Variants in OR4P4 observed in about 807,000 individuals in gnomAD.
The protein encoded by OR4P4 is olfactory receptor family 4 subfamily P member 4.
OR4P4 carries 1 observed loss-of-function variant against 2.1 expected under a neutral mutation model. The ratio of observed to expected loss-of-function variants is 0.47; its 90% CI spans 0.17 to 2.21. The LOEUF (loss-of-function observed/expected upper bound fraction) is 2.21, where lower values mean the gene tolerates loss of function less well. OR4P4 is among the 30% of genes most tolerant of loss of function. OR4P4 has a pLI of 0.27. For missense variants in OR4P4, 375 were observed against 376.5 expected (o/e 1.00, Z 0.03); for synonymous variants, 129 against 133.2 (o/e 0.97, Z 0.22).
rs1322258652 is a variant in OR4P4 at position 55,638,196 on chromosome 11, A to T, written c.-30-132A>T. 2.1e-4 allele frequency: 95 copies of T among 449,250 alleles called. 12 individuals are homozygous for T. The highest frequency in any genetic ancestry group is 1.3e-3 in the African/African-American group (67 of 50,510). 27.8% of individuals were successfully genotyped at this position (449,250 alleles called of 1,614,324 possible). A position where few individuals can be genotyped will look rare whatever the true frequency, so the allele number is the denominator to read the frequency against. ...GAGAGTCTTATTAGAAAGCCATTTTAATTGAATACCAGATATTTACTCTCT... is the reference window on the plus strand; with the variant it reads ...GAGAGTCTTATTAGAAAGCCATTTTTATTGAATACCAGATATTTACTCTCT... On this transcript the variant is annotated intron_variant, in intron 1 of 1. Coordinates refer to ENST00000641760, the Ensembl canonical transcript of OR4P4.
chr11:55,640,273 A>G (rs1172490257), exon 2 of OR4P4: 1 of 136,232 alleles, frequency 7.3e-6, no homozygotes, highest in Non-Finnish European at 1.6e-5. Context: ...GTCATTTCTC[A>G]TGTTGGTAAG....
exon 2 of OR4P4, chr11:55,638,840 C>A (rs768719780): frequency 1.3e-6 from 2 of 1,492,266 alleles, no homozygotes; most frequent in Non-Finnish European, 1.8e-6. Context: ...TTCTTCTCAC[C>A]ATCTTTGTAC....
At chr11:55,637,139 G>GTTGT (rs1441054993) in intron 1 of OR4P4, among the ~76,000 whole-genome samples, 1 of 138,024 alleles carries the variant, frequency 7.2e-6, no homozygotes, top group Non-Finnish European at 1.6e-5. Context: ...TTCAAATTAC[G>GTTGT]TTGTTAGTAA....
intron 1 of OR4P4, among the ~76,000 whole-genome samples, chr11:55,637,100 T>C (rs1418755276): frequency 7.2e-6 from 1 of 138,300 alleles, no homozygotes; most frequent in African/African-American, 2.5e-5. Flanking sequence ...CAGCTGTAGC[T>C]GACAAAACCA....
At position 55,638,467 on chromosome 11, in the gene OR4P4, G is replaced by A. The variant is rs1159939517; in HGVS notation, c.110G>A (p.Trp37Ter). Residue 37 changes from tryptophan to a stop codon, truncating the protein, a stop_gained, in exon 2 of 2, where the codon TGG becomes TAG. Coordinates refer to ENST00000641760, the Ensembl canonical transcript of OR4P4. LOFTEE classifies it low-confidence loss of function (END_TRUNC). ...TTTTTGTTTTGCTACATTGCTATTTGGATGGGAAACTTACTCATAATGATT... is the reference window on the plus strand; with the variant it reads ...TTTTTGTTTTGCTACATTGCTATTTAGATGGGAAACTTACTCATAATGATT... The A allele has an allele frequency of 2.7e-6, 4 of 1,469,908 alleles. No homozygotes were observed. Among genetic ancestry groups the A allele is most frequent in the African/African-American group, 1.4e-5 (1 of 72,302 alleles). The allele number at this position is 1,469,908 out of a possible 1,614,324, so 91.1% of individuals were successfully genotyped here. A position where few individuals can be genotyped will look rare whatever the true frequency, so the allele number is the denominator to read the frequency against.
At chr11:55,636,596 C>T (rs1168991306) in intron 1 of OR4P4, among the ~76,000 whole-genome samples, 1 of 137,224 alleles carries the variant, frequency 7.3e-6, no homozygotes, top group Non-Finnish European at 1.6e-5. Context: ...GTTATAAATT[C>T]AGACTTTGGA....
In OR4P4 at chr11:55,637,404, C is replaced by T; in HGVS notation, c.-30-924C>T. Among the ~76,000 whole-genome samples, 2 of 137,540 alleles carry T rather than the reference C, an allele frequency of 1.5e-5. 1 individual carries two copies. The highest frequency in any genetic ancestry group is 3.2e-5 in the Non-Finnish European group (2 of 61,710). The allele number at this position is 137,540 out of a possible 152,430, so 90.2% of individuals were successfully genotyped here. ...TTCTTCTTCAAATAAAATGAAATTGCCTTTCTTATTTATTGGCAAAGATTA... is the reference window on the plus strand; with the variant it reads ...TTCTTCTTCAAATAAAATGAAATTGTCTTTCTTATTTATTGGCAAAGATTA... On this transcript the variant is annotated intron_variant, in intron 1 of 1. Coordinates refer to ENST00000641760, the Ensembl canonical transcript of OR4P4.
intron 1 of OR4P4, among the ~76,000 whole-genome samples, chr11:55,637,167 A>G (rs1858398749): frequency 7.2e-6 from 1 of 138,368 alleles, no homozygotes; most frequent in Non-Finnish European, 1.6e-5. Context: ...GTAAATGAAG[A>G]CAGATTGATG....
Position 55,637,794 on chromosome 11 carries a change from C to T in OR4P4, c.-30-534C>T, listed in dbSNP as rs74919227. On this transcript the variant is annotated intron_variant, in intron 1 of 1. Coordinates refer to ENST00000641760, the Ensembl canonical transcript of OR4P4. ...TCTTTGCAGCAACATTCAAGACTAA[C>T]AACTTAAGATATGTTTGTTCACCAC... Among the ~76,000 whole-genome samples the T allele has an allele frequency of 6.5e-3, 895 of 138,320 alleles. 175 individuals carry two copies. Among genetic ancestry groups the T allele is most frequent in the Non-Finnish European group, 8.8e-3 (545 of 62,068 alleles). 90.7% of individuals were successfully genotyped at this position (138,320 alleles called of 152,430 possible).
chr11:55,636,173 G>T (rs1431263991), intron 1 of OR4P4, among the ~76,000 whole-genome samples: 2 of 137,708 alleles, frequency 1.5e-5, no homozygotes, highest in Non-Finnish European at 3.2e-5. Flanking sequence ...CAGTGTTAGG[G>T]TATACACTCA....
exon 2 of OR4P4, chr11:55,639,315 G>T: frequency 7.9e-7 from 1 of 1,269,072 alleles, no homozygotes; most frequent in Non-Finnish European, 1.1e-6. Context: ...TGCTTTTCAT[G>T]CCGTGGTTCC....
rs1175323811 is a variant in OR4P4, at chr11:55,638,699, A to T, written c.342A>T (p.Thr114=). Residue 114 remains threonine (T), a synonymous_variant, in exon 2 of 2, where the codon ACA becomes ACT. Transcript: ENST00000641760. ...GAGGCATAGAGATCTTCATTCTCAC[A>T]GGGATGGCCTATGACCGCTATGTGG... The T allele has an allele frequency of 2.0e-6, 3 of 1,491,810 alleles. 1 individual carries two copies. The South Asian group carries it at 3.5e-5, about 18-fold the overall frequency. The allele number at this position is 1,491,810 out of a possible 1,614,324, so 92.4% of individuals were successfully genotyped here. A position where few individuals can be genotyped will look rare whatever the true frequency, so the allele number is the denominator to read the frequency against.
chr11:55,639,023 C>T (rs1701189627), exon 2 of OR4P4: 1 of 1,491,772 alleles, frequency 6.7e-7, no homozygotes, highest in African/African-American at 1.4e-5. Context: ...TATTGTATAC[C>T]ATCAGAGCAT....
chr11:55,638,839 C>A lies in OR4P4; in HGVS notation c.482C>A (p.Thr161Asn), dbSNP rs747563168. ...CATTCTGCCAGTCAGTTTCTTCTCA[C>A]CATCTTTGTACCATTTTGTGGCCCA... is the stretch of plus-strand genomic sequence containing the variant. The change falls in exon 2 of 2, where the codon ACC (threonine) becomes AAC (asparagine). Residue 161 changes from threonine (T) to asparagine (N), a missense_variant. By Grantham distance (65) the Thr-to-Asn change is moderately conservative. Coordinates refer to ENST00000641760, the Ensembl canonical transcript of OR4P4. 9 of 1,492,112 alleles carry A rather than the reference C, an allele frequency of 6.0e-6. 3 individuals carry two copies. In the East Asian group the frequency reaches 1.8e-4, roughly 30 times the overall value. 92.4% of individuals were successfully genotyped at this position (1,492,112 alleles called of 1,614,324 possible).
intron 1 of OR4P4, among the ~76,000 whole-genome samples, chr11:55,636,760 T>C (rs145047085): frequency 8.7e-5 from 12 of 138,252 alleles, no homozygotes; most frequent in Middle Eastern, 3.8e-3. Flanking sequence ...TTGTACACTA[T>C]TTTATTCTTT....
chr11:55,639,371 T>G (rs1290997686), exon 2 of OR4P4: 1 of 843,810 alleles, frequency 1.2e-6, no homozygotes, highest in Non-Finnish European at 1.8e-6. Context: ...TTGTCCTTAA[T>G]GTTTGGAGAG....
At chr11:55,638,940 C>A in exon 2 of OR4P4, 1 of 1,483,474 alleles carries the variant, frequency 6.7e-7, no homozygotes, top group African/African-American at 1.4e-5. Flanking sequence ...CATGATAGGT[C>A]TCTTAGTCAT....
intron 1 of OR4P4, among the ~76,000 whole-genome samples, chr11:55,637,199 T>C (rs561393177): frequency 1.4e-5 from 2 of 138,230 alleles, no homozygotes; most frequent in South Asian, 4.7e-4. Flanking sequence ...TCTGAGAACA[T>C]TCTGTGCCTT....
In OR4P4 at chr11:55,636,680, C is replaced by G. The variant is rs1858392269; in HGVS notation, c.-31+1464C>G. ...TTACTATGTACAATTTCCTAAAGCTCTAGAATCCTAATGTAATTTTCATGT... is the reference window on the plus strand; with the variant it reads ...TTACTATGTACAATTTCCTAAAGCTGTAGAATCCTAATGTAATTTTCATGT... On this transcript the variant is annotated intron_variant, in intron 1 of 1. Transcript: ENST00000641760. Among the ~76,000 whole-genome samples the G allele has an allele frequency of 1.5e-5, 2 of 137,480 alleles. 1 individual carries two copies. The highest frequency in any genetic ancestry group is 1.6e-4 in the Admixed American group (2 of 12,598). The allele number at this position is 137,480 out of a possible 152,430, so 90.2% of individuals were successfully genotyped here.
Sources: allele counts gnomAD v4.1 joint callset (sites outside exome capture counted in the v4.1 genomes callset), GRCh38; gene constraint gnomAD v4.1.1; transcripts MANE v1.5; gene names NCBI Gene and HGNC (gene_info 2026-07-23, HGNC 2026-07-21).